Variants in TRIM37 observed in about 807,000 individuals in gnomAD.
TRIM37 encodes E3 ubiquitin-protein ligase TRIM37.
TRIM37 carries 80 observed loss-of-function variants against 129.8 expected under a neutral mutation model. That is an observed-to-expected ratio of 0.62 (90% CI 0.51 to 0.74). The LOEUF (loss-of-function observed/expected upper bound fraction) is 0.74, where lower values mean the gene tolerates loss of function less well. Ranked by LOEUF, TRIM37 falls within the 30% of genes least tolerant of loss-of-function variation. TRIM37 has a pLI of 0.00. For missense variants in TRIM37, 1,054 were observed against 1,176.5 expected (o/e 0.90, Z 1.52); for synonymous variants, 389 against 387.1 (o/e 1.00, Z -0.06).
chr17:58,969,859 T>A, the TRIM37 span: 2 of 844,134 alleles, frequency 2.4e-6, no homozygotes, highest in Non-Finnish European at 3.6e-6. Flanking sequence ...TGACTCACAG[T>A]ATTGGATTCT....
Position 59,012,215 on chromosome 17 carries a change from C to CCAGCAGCAGCAGCAGCAGCAG in TRIM37, c.2695+112_2695+113insCTGCTGCTGCTGCTGCTGCTG, listed in dbSNP as rs749441889. ...CCACTCCCTATCCCTATCACTACCA[C>CCAGCAGCAGCAGCAGCAGCAG]CAGCAGCAGCAGCACCACCACCACC... On this transcript the variant is annotated intron_variant, in intron 22 of 23. Coordinates refer to ENST00000262294, the MANE Select transcript of TRIM37 (RefSeq NM_015294.6). 2.1e-3 allele frequency: 1,209 copies of CCAGCAGCAGCAGCAGCAGCAG among 567,390 alleles called. 13 individuals are homozygous for CCAGCAGCAGCAGCAGCAGCAG. The highest frequency in any genetic ancestry group is 0.021 in the African/African-American group (1,040 of 48,938). The allele number at this position is 567,390 out of a possible 1,614,324, so 35.1% of individuals were successfully genotyped here.
chr17:59,047,655 C>T (rs745418151), intron 16 of TRIM37, 28 bp downstream of exon 16: 3 of 1,605,950 alleles, frequency 1.9e-6, no homozygotes, highest in East Asian at 2.2e-5. Flanking sequence ...CACTTAAATG[C>T]TTTACAGTAG....
At chr17:59,059,986 C>T (rs1410514450) in intron 12 of TRIM37, among the ~76,000 whole-genome samples, 1 of 152,198 alleles carries the variant, frequency 6.6e-6, no homozygotes, top group Non-Finnish European at 1.5e-5. Flanking sequence ...TCCCCAATCT[C>T]AGGTAGTTTC....
intron 8 of TRIM37, among the ~76,000 whole-genome samples, chr17:59,073,429 G>C (rs1249866526): frequency 1.3e-5 from 2 of 152,080 alleles, no homozygotes; most frequent in Non-Finnish European, 2.9e-5. Context: ...GAGTGGCTGG[G>C]ACTCCAAGCA....
At position 59,042,442 on chromosome 17, in the gene TRIM37, AAAAAAAAATATATATATAT is replaced by A. The variant is rs1227676006; in HGVS notation, c.1668-563_1668-545del. Among the ~76,000 whole-genome samples, 28 of 47,318 alleles carry A rather than the reference AAAAAAAAATATATATATAT, an allele frequency of 5.9e-4. 1 individual carries two copies. Among genetic ancestry groups the A allele is most frequent in the African/African-American group, 1.8e-3 (28 of 15,260 alleles). 31.0% of individuals were successfully genotyped at this position (47,318 alleles called of 152,430 possible). ...GAAAAAAAGGAATTTAAAAAAAAAA[AAAAAAAAATATATATATAT>A]ATATATATATATATCTCAAGGCCGG... On this transcript the variant is annotated intron_variant, in intron 16 of 23. Coordinates refer to ENST00000262294, the MANE Select transcript of TRIM37 (RefSeq NM_015294.6).
chr17:58,980,144 A>C, downstream of TRIM37: 1 of 1,614,176 alleles, frequency 6.2e-7, no homozygotes, highest in Non-Finnish European at 8.5e-7. This position sits in a 1 kb window ranked among gnomAD's most constrained non-coding sequence, Gnocchi z 4.7. Flanking sequence ...TAATGGAGAC[A>C]GCAGCATGGT....
intron 22 of TRIM37, among the ~76,000 whole-genome samples, chr17:59,006,561 T>C (rs1373122167): frequency 6.6e-6 from 1 of 152,156 alleles, no homozygotes; most frequent in Non-Finnish European, 1.5e-5. Context: ...CACATATCCA[T>C]GTGGAACGAG....
intron 1 of TRIM37, 92 bp downstream of exon 1, chr17:59,106,349 T>A (rs564802710): frequency 3.8e-4 from 579 of 1,508,572 alleles, no homozygotes; most frequent in Non-Finnish European, 5.1e-4. Flanking sequence ...AGGGGTGCCC[T>A]ACTGGAGGGA....
rs1178553569 is a variant in TRIM37 at position 59,029,009 on chromosome 17, ACTT to A, written c.1949-289_1949-287del. On this transcript the variant is annotated intron_variant, in intron 18 of 23. Transcript: ENST00000262294. ...TACTGCCTTGTGCTTTCTTCTTTAA[ACTT>A]CTCCACTTTTCTGAAACTTTCTACA... Among the ~76,000 whole-genome samples the A allele has an allele frequency of 3.3e-5, 5 of 152,316 alleles. No individual in the cohort carries two copies. In the East Asian group the frequency reaches 9.6e-4, roughly 29 times the overall value.
At chr17:59,013,731 T>C (rs117955927) in intron 21 of TRIM37, among the ~76,000 whole-genome samples, 1,831 of 151,968 alleles carry the variant, frequency 0.012, 17 homozygotes, top group Middle Eastern at 0.041. Context: ...TCTTGCTATG[T>C]TGCCTAGGGT....
intron 23 of TRIM37, among the ~76,000 whole-genome samples, chr17:59,001,199 CAAAAAAAAAA>C (rs537326649): frequency 1.7e-5 from 1 of 57,458 alleles, no homozygotes; most frequent in East Asian, 5.3e-4. Context: ...CATCTCGGGG[CAAAAAAAAAA>C]AAAAAGAAAA....
chr17:58,983,300 C>G (rs759412611), intron 24 of TRIM37: 38 of 169,722 alleles, frequency 2.2e-4, no homozygotes, highest in Non-Finnish European at 3.7e-4. Context: ...TCACAACATG[C>G]GTATTTATAG....
Position 59,104,297 on chromosome 17 carries a change from A to C in TRIM37, c.119T>G (p.Ile40Ser), listed in dbSNP as rs759041711. The C allele has an allele frequency of 6.2e-7, 1 of 1,613,884 alleles. No individual in the cohort carries two copies. The highest frequency in any genetic ancestry group is 1.3e-5 in the African/African-American group (1 of 75,056). ...HCSKLCCFSCIRRWLTEQRAQ... is the reference protein window; with the variant it reads ...HCSKLCCFSCSRRWLTEQRAQ... ...GTAAAAAGAAATACAACTTACCCTA[A>C]TACAGCTGAAACAACACAGTTTGGA... Residue 40 changes from isoleucine to serine, a missense_variant, in exon 2 of 24, where the codon ATT (isoleucine) becomes AGT (serine). Coordinates refer to ENST00000262294, the MANE Select transcript of TRIM37 (RefSeq NM_015294.6).
At chr17:59,017,131 T>C (rs971992592) in intron 20 of TRIM37, among the ~76,000 whole-genome samples, 165 bp downstream of exon 20, 2 of 152,154 alleles carry the variant, frequency 1.3e-5, no homozygotes, top group Non-Finnish European at 2.9e-5. Flanking sequence ...ACCACTGCAC[T>C]CCAGCCTGGG....
chr17:58,988,743 G>A (rs2032058293), intron 24 of TRIM37, among the ~76,000 whole-genome samples: 1 of 152,130 alleles, frequency 6.6e-6, no homozygotes, highest in African/African-American at 2.4e-5. Context: ...TGGAAACTCA[G>A]GGTCAGAAAC....
chr17:59,097,163 G>T lies in TRIM37; in HGVS notation c.124-5823C>A, dbSNP rs540425991. Reference sequence around the variant, plus strand: ...AAAACTCATAAAAATCATAGTCAACGATTCAAAGGCTAAAAACTCTTCCCC... The same window carrying T: ...AAAACTCATAAAAATCATAGTCAACTATTCAAAGGCTAAAAACTCTTCCCC... On this transcript the variant is annotated intron_variant, in intron 2 of 23. Coordinates refer to ENST00000262294, the MANE Select transcript of TRIM37 (RefSeq NM_015294.6). Among the ~76,000 whole-genome samples, 4 of 152,160 alleles carry T rather than the reference G, an allele frequency of 2.6e-5. No individual in the cohort carries two copies. In the East Asian group the frequency reaches 7.7e-4, roughly 29 times the overall value.
the TRIM37 span, among the ~76,000 whole-genome samples, chr17:58,971,168 C>G: frequency 1.3e-5 from 2 of 152,130 alleles, no homozygotes; most frequent in African/African-American, 4.8e-5. Context: ...GCCTCCTGTT[C>G]TCTCCAGGGC....
chr17:59,013,129 G>A (rs933631364), intron 21 of TRIM37, among the ~76,000 whole-genome samples: 4 of 152,016 alleles, frequency 2.6e-5, no homozygotes, highest in South Asian at 2.1e-4. Context: ...AATAGGGAAA[G>A]ACTTTTGAGA....
rs1337070499 is a variant in TRIM37, at chr17:59,012,370, G to GT, written c.2652dup (p.Gln885ThrfsTer6). Reference sequence around the variant, plus strand: ...GAAGCTCCTTCAGGTAGTACAGGCTGTAACTCTCCAGTTTCAGAATTATTT... The same window carrying GT: ...GAAGCTCCTTCAGGTAGTACAGGCTGTTAACTCTCCAGTTTCAGAATTATTT... On this transcript the variant is annotated frameshift_variant, in exon 22 of 24. Coordinates refer to ENST00000262294, the MANE Select transcript of TRIM37 (RefSeq NM_015294.6). LOFTEE classifies it high-confidence loss of function. 7 of 1,613,224 alleles carry GT rather than the reference G, an allele frequency of 4.3e-6. No homozygotes were observed. Among genetic ancestry groups the GT allele is most frequent in the Admixed American group, 1.7e-5 (1 of 59,998 alleles).
Sources: gnomAD v4.1 joint callset for allele counts (sites outside exome capture counted in the v4.1 genomes callset) on GRCh38, gnomAD v4.1.1 for gene constraint, Gnocchi (gnomAD v3.1) non-coding constraint, MANE v1.5 for transcripts, NCBI Gene and HGNC (gene_info 2026-07-23, HGNC 2026-07-21) for gene names.